VWC2L: variants seen among roughly 807,000 people sequenced by gnomAD.
VWC2L encodes the protein von Willebrand factor C domain containing 2 like.
In VWC2L, 10 loss-of-function variants were observed where a neutral mutation model predicts 21.6. The observed-to-expected ratio is 0.46, with a 90% CI of 0.29 to 0.78. The LOEUF is 0.78. Ranked by LOEUF, VWC2L falls within the 30% of genes least tolerant of loss-of-function variation. VWC2L has a pLI of 0.10. For missense variants in VWC2L, 209 were observed against 277.1 expected (o/e 0.75, Z 1.74); for synonymous variants, 96 against 94.3 (o/e 1.02, Z -0.10).
At chr2:214,531,842 A>G (rs58421772) in intron 3 of VWC2L, among the ~76,000 whole-genome samples, 15,731 of 152,118 alleles carry the variant, frequency 0.1, 2,715 homozygotes, top group African/African-American at 0.36. Context: ...AATTTTTCAA[A>G]TGAGTGGAAA....
chr2:214,455,904 T>C (rs1703048782), intron 3 of VWC2L, among the ~76,000 whole-genome samples: 1 of 152,198 alleles, frequency 6.6e-6, no homozygotes, highest in African/African-American at 2.4e-5. Context: ...TAGTATTTCA[T>C]TGTGTACAGA....
In VWC2L at chr2:214,578,871, A is replaced by G. The variant is rs1459320574; in HGVS notation, c.*3051A>G. ...AACTAGTGAGAAAAAAAAAAAACCT[A>G]AACACTAAACTGTAAAAAGGGGATT... On this transcript the variant is annotated 3_prime_UTR_variant, in exon 4 of 4. Transcript: ENST00000312504. 2.6e-5 allele frequency: 4 copies of G among 152,000 alleles called. No homozygotes were observed. The South Asian group carries it at 8.3e-4, about 31-fold the overall frequency. The allele number at this position is 152,000 out of a possible 1,614,324, so 9.4% of individuals were successfully genotyped here. A position where few individuals can be genotyped will look rare whatever the true frequency, so the allele number is the denominator to read the frequency against.
rs58784551 is a variant in VWC2L, at chr2:214,482,536, T to TAC, written c.520+45794_520+45795dup. Reference sequence around the variant, plus strand: ...ATGTATATGTGTGTATCTATATATATACACACACACACACACATATATATA... The same window carrying TAC: ...ATGTATATGTGTGTATCTATATATATACACACACACACACACACATATATATA... On this transcript the variant is annotated intron_variant, in intron 3 of 3. Transcript: ENST00000312504. Among the ~76,000 whole-genome samples the TAC allele has an allele frequency of 9.2e-3, 1,371 of 148,664 alleles. 21 individuals are homozygous for TAC. The highest frequency in any genetic ancestry group is 0.03 in the African/African-American group (1,187 of 39,980).
At chr2:214,571,480 A>G (rs1438308815) in intron 3 of VWC2L, among the ~76,000 whole-genome samples, 3 of 152,214 alleles carry the variant, frequency 2.0e-5, no homozygotes, top group East Asian at 1.9e-4. Flanking sequence ...AAATACTCCT[A>G]TATATTTAAT....
intron 3 of VWC2L, among the ~76,000 whole-genome samples, chr2:214,439,025 T>C (rs1379510135): frequency 6.6e-6 from 1 of 152,042 alleles, no homozygotes; most frequent in Non-Finnish European, 1.5e-5. Flanking sequence ...CTGATTGTAA[T>C]GTAACATTAT....
chr2:214,549,222 A>G (rs1689754887), intron 3 of VWC2L, among the ~76,000 whole-genome samples: 1 of 152,120 alleles, frequency 6.6e-6, no homozygotes, highest in Admixed American at 6.5e-5. Flanking sequence ...CCATCTCAAA[A>G]TTCTTCACTC....
At chr2:214,496,709 C>T (rs1688818304) in intron 3 of VWC2L, among the ~76,000 whole-genome samples, 1 of 152,124 alleles carries the variant, frequency 6.6e-6, no homozygotes, top group South Asian at 2.1e-4. Context: ...ATTAAAACTT[C>T]AATAATTAAA....
intron 2 of VWC2L, among the ~76,000 whole-genome samples, chr2:214,432,493 G>T (rs1247764556): frequency 6.6e-6 from 1 of 152,170 alleles, no homozygotes; most frequent in Non-Finnish European, 1.5e-5. Flanking sequence ...TTCAGGAAAA[G>T]AAAATGGGTT....
chr2:214,533,675 C>A (rs1689478832), intron 3 of VWC2L, among the ~76,000 whole-genome samples: 1 of 151,744 alleles, frequency 6.6e-6, no homozygotes, highest in Admixed American at 6.6e-5. Flanking sequence ...AAGAGTAAAA[C>A]CACATGGAAT....
chr2:214,545,035 A>C (rs1193013318), intron 3 of VWC2L, among the ~76,000 whole-genome samples: 1 of 152,178 alleles, frequency 6.6e-6, no homozygotes, highest in Non-Finnish European at 1.5e-5. Flanking sequence ...GTTACTTTGG[A>C]AAGCAGTGTC....
In VWC2L at chr2:214,438,556, A is replaced by G. The variant is rs1308689645; in HGVS notation, c.520+1798A>G. The stretch of plus-strand genomic sequence containing the variant: ...TAGACACATCCAGCATATTCATAGA[A>G]TTAGAACATGTAAAGCATACGTTTA... On this transcript the variant is annotated intron_variant, in intron 3 of 3. Coordinates refer to ENST00000312504, the MANE Select transcript of VWC2L (RefSeq NM_001080500.4). 2.0e-5 allele frequency among the ~76,000 whole-genome samples: 3 copies of G among 152,060 alleles called. No individual in the cohort carries two copies. The East Asian group carries it at 5.8e-4, about 29-fold the overall frequency.
At chr2:214,488,213 A>T (rs554424186) in intron 3 of VWC2L, among the ~76,000 whole-genome samples, 2 of 152,156 alleles carry the variant, frequency 1.3e-5, no homozygotes, top group Non-Finnish European at 2.9e-5. Flanking sequence ...AGACTTCACT[A>T]TAAGTCTATT....
At chr2:214,492,897 G>A (rs1445183043) in intron 3 of VWC2L, among the ~76,000 whole-genome samples, 1 of 152,136 alleles carries the variant, frequency 6.6e-6, no homozygotes, top group African/African-American at 2.4e-5. Context: ...TGAGTTTGCT[G>A]GGGCTTTTGC....
intron 3 of VWC2L, among the ~76,000 whole-genome samples, chr2:214,461,359 C>G (rs2126188706): frequency 6.6e-6 from 1 of 152,206 alleles, no homozygotes; most frequent in South Asian, 2.1e-4. Context: ...TAAAACAACC[C>G]TCAAGTTCCA....
intron 2 of VWC2L, among the ~76,000 whole-genome samples, chr2:214,425,797 G>A (rs902908234): frequency 5.9e-5 from 9 of 152,132 alleles, no homozygotes; most frequent in Non-Finnish European, 1.3e-4. Context: ...CCCTCAAGGT[G>A]CGCCTAGTCT....
intron 2 of VWC2L, among the ~76,000 whole-genome samples, chr2:214,419,300 C>T (rs903045931): frequency 6.6e-6 from 1 of 152,060 alleles, no homozygotes; most frequent in African/African-American, 2.4e-5. Flanking sequence ...AGAAATAAAG[C>T]ATATAAATAA....
At chr2:214,480,695 C>T (rs1337218143) in intron 3 of VWC2L, among the ~76,000 whole-genome samples, 3 of 151,866 alleles carry the variant, frequency 2.0e-5, no homozygotes, top group Non-Finnish European at 4.4e-5. Flanking sequence ...TGAGTTATTA[C>T]ATCTGCACTC....
chr2:214,471,537 A>G (rs1305528641), intron 3 of VWC2L, among the ~76,000 whole-genome samples: 1 of 152,200 alleles, frequency 6.6e-6, no homozygotes, highest in African/African-American at 2.4e-5. Context: ...TGCAGATGAG[A>G]AATGGAGACT....
At chr2:214,549,882 T>C (rs1167466673) in intron 3 of VWC2L, among the ~76,000 whole-genome samples, 2 of 152,158 alleles carry the variant, frequency 1.3e-5, no homozygotes, top group African/African-American at 2.4e-5. Flanking sequence ...ATCAGCTTTC[T>C]TGTTCCTAAA....
Sources: gnomAD v4.1 joint callset for allele counts (sites outside exome capture counted in the v4.1 genomes callset) on GRCh38, gnomAD v4.1.1 for gene constraint, MANE v1.5 for transcripts, NCBI Gene and HGNC (gene_info 2026-07-23, HGNC 2026-07-21) for gene names.